The following AMZ2 variants were observed in gnomAD, a reference collection of about 807,000 sequenced individuals.
AMZ2 encodes the protein archaelysin family metallopeptidase 2, also known as archaemetzincin-2.
Under a neutral mutation model 36.7 loss-of-function variants are expected in AMZ2, and 26 were observed. That is an observed-to-expected ratio of 0.71 (90% CI 0.52 to 0.98). The LOEUF is 0.98. Ranked by LOEUF, AMZ2 falls within the 50% of genes least tolerant of loss-of-function variation. The probability of loss-of-function intolerance (pLI) is 0.00; values close to 1 mark genes in which losing one functional copy is unlikely to be tolerated. For missense variants in AMZ2, 394 were observed against 430.5 expected, an observed-to-expected ratio of 0.92 and a Z score of 0.75; for synonymous variants, 144 against 149.1, an observed-to-expected ratio of 0.97 and a Z score of 0.25.
rs1555732330 is a variant in AMZ2 at position 68,235,575 on chromosome 17, A to G, written c.-66-13065A>G. ...TTGGCTTCCCCCTTACGGAGCCCCT[A>G]TCCGGGACAGCCTCAATCCCTCAGG... On this transcript the variant is annotated intron_variant, in intron 1 of 7. Transcript: ENST00000674770. The surrounding 1 kb of genome is among the most constrained non-coding windows in gnomAD (Gnocchi z 4.2). Among the ~76,000 whole-genome samples the G allele has an allele frequency of 6.6e-6, 1 of 151,980 alleles. No homozygotes were observed. Among genetic ancestry groups the G allele is most frequent in the African/African-American group, 2.4e-5 (1 of 41,386 alleles).
intron 5 of AMZ2, 88 bp downstream of exon 5, chr17:68,254,655 T>C (rs1451850547): frequency 4.2e-6 from 5 of 1,189,462 alleles, no homozygotes; most frequent in East Asian, 2.5e-5. Flanking sequence ...TAAGGTAATA[T>C]TATAAATGAG....
At chr17:68,244,036 A>G (rs2073954809), upstream of AMZ2, among the ~76,000 whole-genome samples, 1 of 152,234 alleles carries the variant, frequency 6.6e-6, no homozygotes, top group South Asian at 2.1e-4. Flanking sequence ...AATTATTTTT[A>G]GTACATATTC....
Position 68,251,081 on chromosome 17 carries a change from A to G in AMZ2, c.489A>G (p.Lys163=). ...GDILKFLKKK[K]PEDAFCVVGI... ...TCCTGAAGTTCTTGAAAAAGAAGAAACCTGAAGATGCCTTCTGTGTTGTGG... is the reference window on the plus strand; with the variant it reads ...TCCTGAAGTTCTTGAAAAAGAAGAAGCCTGAAGATGCCTTCTGTGTTGTGG... Residue 163 remains lysine, a synonymous_variant, in exon 4 of 7, where the codon AAA becomes AAG. Transcript: ENST00000359904. The G allele has an allele frequency of 6.2e-7, 1 of 1,611,604 alleles. No individual in the cohort carries two copies.
chr17:68,212,153 T>C (rs1335615599), intron 1 of AMZ2, among the ~76,000 whole-genome samples: 1 of 152,160 alleles, frequency 6.6e-6, no homozygotes, highest in Non-Finnish European at 1.5e-5. Context: ...GGTGGATCAC[T>C]TTAACCCAGT....
intron 5 of AMZ2, 22 bp from the exon 6 acceptor site, chr17:68,255,678 C>T (rs1555742314): frequency 1.2e-6 from 2 of 1,607,922 alleles, no homozygotes; most frequent in South Asian, 2.2e-5. Context: ...TCTTATAAAG[C>T]CTCAACATGA....
At chr17:68,237,773 G>A (rs1411147700) in intron 1 of AMZ2, among the ~76,000 whole-genome samples, 1 of 152,216 alleles carries the variant, frequency 6.6e-6, no homozygotes, top group African/African-American at 2.4e-5. Context: ...TCAGACACCT[G>A]CTGCGGCTGT....
chr17:68,228,724 CA>C (rs2073579431), intron 1 of AMZ2, among the ~76,000 whole-genome samples: 1 of 152,242 alleles, frequency 6.6e-6, no homozygotes, highest in East Asian at 1.9e-4. Flanking sequence ...CTGGGGAGCC[CA>C]AGATGAACCA....
chr17:68,254,934 G>A (rs1599440956), intron 5 of AMZ2, among the ~76,000 whole-genome samples: 1 of 152,212 alleles, frequency 6.6e-6, no homozygotes, highest in South Asian at 2.1e-4. Context: ...CTCTCTGGGA[G>A]CCTGGGCCTT....
chr17:68,219,186 T>C (rs1310616928), intron 1 of AMZ2, among the ~76,000 whole-genome samples: 9 of 152,218 alleles, frequency 5.9e-5, no homozygotes, highest in South Asian at 4.1e-4. Context: ...AGGCTGGTCT[T>C]GAACGCCTGA....
intron 1 of AMZ2, among the ~76,000 whole-genome samples, chr17:68,233,894 T>C (rs150056574): frequency 0.06 from 9,137 of 152,060 alleles, 486 homozygotes; most frequent in Admixed American, 0.13. Flanking sequence ...CTTAAGCTGA[T>C]CCATTCTTGC....
intron 1 of AMZ2, among the ~76,000 whole-genome samples, chr17:68,214,797 T>C (rs2073154138): frequency 6.6e-6 from 1 of 152,060 alleles, no homozygotes; most frequent in South Asian, 2.1e-4. Flanking sequence ...AATTTTTTTT[T>C]TTTTGACAGG....
intron 1 of AMZ2, among the ~76,000 whole-genome samples, chr17:68,238,452 A>C (rs573447275): frequency 6.6e-6 from 1 of 152,176 alleles, no homozygotes; most frequent in African/African-American, 2.4e-5. Flanking sequence ...CTAATTTTTC[A>C]GGAAGTGAAA....
upstream of AMZ2, chr17:68,247,763 G>A (rs2144681640): frequency 1.0e-6 from 1 of 985,552 alleles, no homozygotes; most frequent in Non-Finnish European, 1.2e-6. Flanking sequence ...GCGCATCTGT[G>A]GCTCTCGAGA....
At chr17:68,241,911 T>TC (rs1329010507) in intron 1 of AMZ2, among the ~76,000 whole-genome samples, 2 of 149,344 alleles carry the variant, frequency 1.3e-5, no homozygotes, top group East Asian at 3.9e-4. Flanking sequence ...TCTTTTTCTT[T>TC]TTTTTTTTTT....
intron 1 of AMZ2, among the ~76,000 whole-genome samples, chr17:68,219,028 G>A (rs1195849114): frequency 6.6e-6 from 1 of 152,168 alleles, no homozygotes; most frequent in East Asian, 1.9e-4. Flanking sequence ...TCTCACCCAG[G>A]CTGGAGTGCA....
At chr17:68,232,235 G>A (rs1255769080) in intron 1 of AMZ2, among the ~76,000 whole-genome samples, 3 of 151,746 alleles carry the variant, frequency 2.0e-5, no homozygotes, top group African/African-American at 7.3e-5. Context: ...GATGTCTCAC[G>A]TCTATAATCC....
rs1555741737 is a variant in AMZ2 at position 68,254,539 on chromosome 17, C to T, written c.722C>T (p.Thr241Ile). The change falls in exon 5 of 7, where the codon ACT (threonine) becomes ATT (isoleucine). Residue 241 changes from threonine to isoleucine, a missense_variant. Coordinates refer to ENST00000359904, the MANE Select transcript of AMZ2 (RefSeq NM_016627.5). ...GACAACTATTATATTCCAGAAATAA[C>T]TAGTGTTTTACTACTTCGATCCTGT... The part of the protein sequence containing the change: ...IFDNYYIPEI[T>I]SVLLLRSCKT... 3 of 1,612,480 alleles carry T rather than the reference C, an allele frequency of 1.9e-6. No individual in the cohort carries two copies. The highest frequency in any genetic ancestry group is 3.3e-5 in the Admixed American group (2 of 59,858).
chr17:68,224,057 T>G (rs1555729263), intron 1 of AMZ2, among the ~76,000 whole-genome samples: 1 of 69,632 alleles, frequency 1.4e-5, no homozygotes, highest in African/African-American at 8.0e-5. Flanking sequence ...ACCCGGCTAA[T>G]TTTTTGTATT....
At chr17:68,241,382 CACTG>C (rs1289452888) in intron 1 of AMZ2, among the ~76,000 whole-genome samples, 1 of 152,152 alleles carries the variant, frequency 6.6e-6, no homozygotes, top group Non-Finnish European at 1.5e-5. Context: ...ATAATGTAAA[CACTG>C]ACCACCAGAT....
Sources: allele counts gnomAD v4.1 joint callset (sites outside exome capture counted in the v4.1 genomes callset), GRCh38; gene constraint gnomAD v4.1.1; non-coding constraint Gnocchi (gnomAD v3.1); transcripts MANE v1.5; gene names NCBI Gene and HGNC (gene_info 2026-07-23, HGNC 2026-07-21).